The following ADGRL3 variants were observed in gnomAD, a reference collection of about 807,000 sequenced individuals.
The protein encoded by ADGRL3 is adhesion G protein-coupled receptor L3.
A neutral mutation model predicts 153.5 loss-of-function variants in ADGRL3; 62 were observed. The ratio of observed to expected loss-of-function variants is 0.40; its 90% confidence interval spans 0.33 to 0.50. ADGRL3 has a LOEUF of 0.50. Ranked by LOEUF, ADGRL3 falls within the 20% of genes least tolerant of loss-of-function variation. ADGRL3 has a pLI of 0.47. For synonymous variants in ADGRL3, 710 were observed against 672.5 expected, an observed-to-expected ratio of 1.06 and a Z score of -0.86; for missense variants, 1,641 against 1,859.4, an observed-to-expected ratio of 0.88 and a Z score of 2.16.
intron 1 of ADGRL3, among the ~76,000 whole-genome samples, chr4:61,368,634 T>A (rs2096457860): frequency 6.6e-6 from 1 of 152,116 alleles, no homozygotes. Flanking sequence ...TACTGTAGCC[T>A]TGTAGTATAG....
At chr4:61,264,504 C>T (rs895480466) in intron 1 of ADGRL3, among the ~76,000 whole-genome samples, 1 of 151,968 alleles carries the variant, frequency 6.6e-6, no homozygotes, top group African/African-American at 2.4e-5. Context: ...TTCTAAATCA[C>T]AGAAAAATTC....
At chr4:61,436,996 A>T (rs1019981070) in intron 2 of ADGRL3, among the ~76,000 whole-genome samples, 1 of 152,180 alleles carries the variant, frequency 6.6e-6, no homozygotes, top group African/African-American at 2.4e-5. Context: ...TGAACATAAT[A>T]GCCCTTACCA....
chr4:62,025,482 C>T (rs1187677568), intron 21 of ADGRL3, among the ~76,000 whole-genome samples: 3 of 152,090 alleles, frequency 2.0e-5, no homozygotes, highest in Non-Finnish European at 4.4e-5. Context: ...GGTAGTATGG[C>T]AAAGCAGTGT....
chr4:61,902,114 C>G (rs1412202133), intron 11 of ADGRL3, among the ~76,000 whole-genome samples: 1 of 152,066 alleles, frequency 6.6e-6, no homozygotes, highest in African/African-American at 2.4e-5. Flanking sequence ...ACAGGGGGAT[C>G]AGAAAGATAT....
rs143679103 is a variant in ADGRL3, at chr4:61,803,210, G to A, written c.1400-10599G>A. Among the ~76,000 whole-genome samples the A allele has an allele frequency of 3.7e-3, 558 of 152,132 alleles. 3 individuals carry two copies. Among genetic ancestry groups the A allele is most frequent in the African/African-American group, 0.013 (524 of 41,534 alleles). On this transcript the variant is annotated intron_variant, in intron 8 of 26. Transcript: ENST00000683033. The stretch of plus-strand genomic sequence containing the variant: ...ATTGAGCTTGATTTTTCATACAGGA[G>A]TTATGTGAAAAAATTATTTGAGCCT...
At chr4:61,849,072 A>G (rs2098170421) in intron 9 of ADGRL3, among the ~76,000 whole-genome samples, 1 of 152,164 alleles carries the variant, frequency 6.6e-6, no homozygotes, top group African/African-American at 2.4e-5. Context: ...AAGTTATGAT[A>G]GCAGTAACCA....
chr4:61,277,637 A>G (rs1391657356), intron 1 of ADGRL3, among the ~76,000 whole-genome samples: 1 of 152,138 alleles, frequency 6.6e-6, no homozygotes, highest in Non-Finnish European at 1.5e-5. Flanking sequence ...TCTTAATTCC[A>G]GTTCCAGAGC....
At chr4:61,670,698 G>A (rs1320312972) in intron 5 of ADGRL3, among the ~76,000 whole-genome samples, 1 of 152,090 alleles carries the variant, frequency 6.6e-6, no homozygotes, top group Non-Finnish European at 1.5e-5. Flanking sequence ...CTGAGCTCTA[G>A]GTCTTTTATG....
rs533382197 is a variant in ADGRL3, at chr4:61,966,487, T to TATG, written c.2806-13074_2806-13073insGAT. Among the ~76,000 whole-genome samples the TATG allele has an allele frequency of 1.8e-4, 28 of 152,278 alleles. No individual in the cohort carries two copies. In the East Asian group the frequency reaches 5.4e-3, roughly 29 times the overall value. On this transcript the variant is annotated intron_variant, in intron 17 of 26. Transcript: ENST00000683033. ...ACATATCTGGGTAACTCATATCTGG[T>TATG]ATTTCTATGATTACTTTTCCTTACT... is the stretch of plus-strand genomic sequence containing the variant.
At chr4:61,545,582 C>T (rs1466622101) in intron 4 of ADGRL3, among the ~76,000 whole-genome samples, 6 of 152,192 alleles carry the variant, frequency 3.9e-5, no homozygotes, top group African/African-American at 1.4e-4. Flanking sequence ...GACGCCATCT[C>T]GGCTCACTGC....
chr4:61,574,126 C>T (rs1216857592), intron 4 of ADGRL3, among the ~76,000 whole-genome samples: 2 of 151,922 alleles, frequency 1.3e-5, no homozygotes, highest in South Asian at 2.1e-4. Context: ...CCATGAAAGT[C>T]GGCTTCAACT....
intron 8 of ADGRL3, among the ~76,000 whole-genome samples, chr4:61,788,292 C>G (rs1350417298): frequency 2.0e-5 from 3 of 152,190 alleles, no homozygotes; most frequent in Non-Finnish European, 2.9e-5. Context: ...TCAATCCCCT[C>G]CTACCTCTAC....
chr4:61,465,948 A>G (rs1443624758), intron 2 of ADGRL3, among the ~76,000 whole-genome samples: 1 of 151,540 alleles, frequency 6.6e-6, no homozygotes, highest in Non-Finnish European at 1.5e-5. Context: ...TCCGTGAAAC[A>G]CCCTCTGTAC....
intron 4 of ADGRL3, among the ~76,000 whole-genome samples, chr4:61,579,144 T>C (rs903756422): frequency 7.2e-5 from 11 of 152,082 alleles, no homozygotes; most frequent in Admixed American, 1.3e-4. Context: ...CCTGAGATAA[T>C]ACCTAATGTG....
chr4:61,711,337 A>G (rs536799339), intron 6 of ADGRL3, among the ~76,000 whole-genome samples: 1 of 151,464 alleles, frequency 6.6e-6, no homozygotes, highest in East Asian at 1.9e-4. Flanking sequence ...AATCCTGCAC[A>G]TAAAAAGTAG....
chr4:61,223,282 A>G (rs1746490502), intron 1 of ADGRL3, among the ~76,000 whole-genome samples: 1 of 152,210 alleles, frequency 6.6e-6, no homozygotes, highest in South Asian at 2.1e-4. Flanking sequence ...AATGATACGT[A>G]TAGTTTTATT....
chr4:62,023,709 T>C (rs1019604185), intron 21 of ADGRL3, among the ~76,000 whole-genome samples: 3 of 152,044 alleles, frequency 2.0e-5, no homozygotes, highest in Non-Finnish European at 4.4e-5. Flanking sequence ...ATATGGTAAC[T>C]TTTTTTTAAC....
At chr4:61,237,371 G>C (rs1167748507) in intron 1 of ADGRL3, among the ~76,000 whole-genome samples, 7 of 152,272 alleles carry the variant, frequency 4.6e-5, no homozygotes, top group African/African-American at 1.7e-4. Context: ...TTGGCTAACA[G>C]AGCTATGTTT....
chr4:61,429,575 T>C (rs767669174), intron 2 of ADGRL3, among the ~76,000 whole-genome samples: 9 of 152,154 alleles, frequency 5.9e-5, no homozygotes, highest in Non-Finnish European at 1.2e-4. Context: ...GATTATAGAG[T>C]TTTATCAGTT....
Sources: allele counts gnomAD v4.1 joint callset (sites outside exome capture counted in the v4.1 genomes callset), GRCh38; gene constraint gnomAD v4.1.1; transcripts MANE v1.5; gene names NCBI Gene and HGNC (gene_info 2026-07-23, HGNC 2026-07-21).